The following ROBO1 variants were observed in gnomAD, a reference collection of about 807,000 sequenced individuals.
The protein encoded by ROBO1 is roundabout homolog 1.
A neutral mutation model predicts 195.9 loss-of-function variants in ROBO1; 149 were observed. The observed-to-expected ratio is 0.76, with a 90% CI of 0.67 to 0.87. ROBO1 has a LOEUF of 0.87. Ranked by LOEUF, ROBO1 falls within the 40% of genes least tolerant of loss-of-function variation. The probability of loss-of-function intolerance (pLI) is 0.00; values close to 1 mark genes in which losing one functional copy is unlikely to be tolerated. For synonymous variants in ROBO1, 816 were observed against 733.2 expected, an observed-to-expected ratio of 1.11 and a Z score of -1.82; for missense variants, 1,933 against 2,068.3, an observed-to-expected ratio of 0.93 and a Z score of 1.27.
At chr3:79,334,801 T>C (rs1285964274) in intron 2 of ROBO1, among the ~76,000 whole-genome samples, 2 of 152,018 alleles carry the variant, frequency 1.3e-5, no homozygotes, top group Non-Finnish European at 2.9e-5. Flanking sequence ...TCTGCTTTTA[T>C]AAGTTAAAGG....
At chr3:78,852,979 C>T (rs1054522591) in intron 4 of ROBO1, among the ~76,000 whole-genome samples, 4 of 152,122 alleles carry the variant, frequency 2.6e-5, no homozygotes, top group African/African-American at 9.7e-5. Context: ...GCATTAAAAA[C>T]TGTCTGGGCC....
In ROBO1 at chr3:79,745,320, A is replaced by G. The variant is rs116031722; in HGVS notation, c.-51+22432T>C. Reference sequence around the variant, plus strand: ...GTTAAAACACAAAGGAAATAATCGTATTAATGTACATGATCTCCAATTACC... The same window carrying G: ...GTTAAAACACAAAGGAAATAATCGTGTTAATGTACATGATCTCCAATTACC... On this transcript the variant is annotated intron_variant, in intron 1 of 30. Coordinates refer to ENST00000464233, the MANE Select transcript of ROBO1 (RefSeq NM_002941.4). Among the ~76,000 whole-genome samples, 1,212 of 152,350 alleles carry G rather than the reference A, an allele frequency of 8.0e-3. 16 individuals carry two copies. The highest frequency in any genetic ancestry group is 0.027 in the African/African-American group (1,123 of 41,586).
chr3:79,643,192 A>C (rs1576167447), intron 1 of ROBO1, among the ~76,000 whole-genome samples: 1 of 151,988 alleles, frequency 6.6e-6, no homozygotes, highest in East Asian at 1.9e-4. Context: ...CCAACATTGG[A>C]CTCTACGTTC....
chr3:78,895,757 C>A (rs1576361025), intron 4 of ROBO1, among the ~76,000 whole-genome samples: 1 of 152,274 alleles, frequency 6.6e-6, no homozygotes, highest in East Asian at 1.9e-4. Flanking sequence ...AACATAATTT[C>A]TTTTGGACCA....
chr3:79,368,778 C>CT, intron 2 of ROBO1, among the ~76,000 whole-genome samples: 1 of 152,158 alleles, frequency 6.6e-6, no homozygotes, highest in East Asian at 1.9e-4. Flanking sequence ...CCGCTTGCAC[C>CT]TTTTTTGCTC....
chr3:78,604,397 G>A (rs1703352147), intron 29 of ROBO1, among the ~76,000 whole-genome samples: 1 of 152,114 alleles, frequency 6.6e-6, no homozygotes, highest in South Asian at 2.1e-4. Flanking sequence ...CTTATAAGCA[G>A]GAATTGCTCC....
chr3:79,345,846 G>A (rs911398522), intron 2 of ROBO1, among the ~76,000 whole-genome samples: 4 of 152,078 alleles, frequency 2.6e-5, no homozygotes, highest in Non-Finnish European at 5.9e-5. Context: ...TTAAAACATG[G>A]TGGCTTTTTC....
At chr3:78,678,600 A>C (rs1160999332) in intron 10 of ROBO1, among the ~76,000 whole-genome samples, 1 of 152,132 alleles carries the variant, frequency 6.6e-6, no homozygotes, top group Non-Finnish European at 1.5e-5. Flanking sequence ...TCCTCGACAC[A>C]TACACTCTCC....
At chr3:79,609,808 A>T (rs1397593522) in intron 1 of ROBO1, among the ~76,000 whole-genome samples, 1 of 151,840 alleles carries the variant, frequency 6.6e-6, no homozygotes. Flanking sequence ...AAATTTGTAG[A>T]GATGGAAAGT....
chr3:78,867,856 A>G (rs756173405), intron 4 of ROBO1, among the ~76,000 whole-genome samples: 7 of 152,126 alleles, frequency 4.6e-5, no homozygotes, highest in Non-Finnish European at 8.8e-5. Context: ...CTTTTCTGCC[A>G]TCTCCGAAAA....
intron 2 of ROBO1, among the ~76,000 whole-genome samples, chr3:79,142,009 C>T (rs1378363912): frequency 2.6e-5 from 4 of 151,858 alleles, no homozygotes; most frequent in Non-Finnish European, 5.9e-5. Flanking sequence ...CCTTTATTCT[C>T]ACAAGGAATT....
chr3:78,945,898 CA>C (rs949036474), intron 3 of ROBO1, among the ~76,000 whole-genome samples: 4 of 150,962 alleles, frequency 2.6e-5, no homozygotes, highest in Non-Finnish European at 4.4e-5. Context: ...ACAATGCAAT[CA>C]ACTGGAAGAA....
At chr3:79,516,174 G>T (rs1357505251) in intron 2 of ROBO1, among the ~76,000 whole-genome samples, 2 of 152,046 alleles carry the variant, frequency 1.3e-5, no homozygotes, top group East Asian at 1.9e-4. Context: ...ATTGATGATT[G>T]AGTTGATAAT....
At chr3:78,991,118 A>C (rs2077227376) in intron 3 of ROBO1, among the ~76,000 whole-genome samples, 1 of 152,190 alleles carries the variant, frequency 6.6e-6, no homozygotes, top group Admixed American at 6.6e-5. Flanking sequence ...CAATTGATTA[A>C]GGAGGCAGAT....
chr3:79,688,441 A>G (rs1947199612), intron 1 of ROBO1, among the ~76,000 whole-genome samples: 1 of 152,098 alleles, frequency 6.6e-6, no homozygotes, highest in Non-Finnish European at 1.5e-5. Context: ...AGTTTTTGCA[A>G]GACTTTGATT....
intron 2 of ROBO1, among the ~76,000 whole-genome samples, chr3:79,142,979 T>G (rs1051095386): frequency 6.6e-6 from 1 of 152,134 alleles, no homozygotes; most frequent in Non-Finnish European, 1.5e-5. Flanking sequence ...CATTTGGCAT[T>G]TGAAAATGCC....
chr3:78,681,330 T>C (rs1446520895), intron 10 of ROBO1, among the ~76,000 whole-genome samples: 6 of 151,724 alleles, frequency 4.0e-5, no homozygotes, highest in Non-Finnish European at 8.8e-5. Context: ...ACTTAAAGTA[T>C]AATAATAAAA....
intron 2 of ROBO1, among the ~76,000 whole-genome samples, chr3:79,498,661 C>G (rs1051125373): frequency 3.3e-5 from 5 of 152,046 alleles, no homozygotes; most frequent in African/African-American, 4.8e-5. Flanking sequence ...CAAGACCAGC[C>G]TGCTCAACGT....
intron 2 of ROBO1, among the ~76,000 whole-genome samples, chr3:79,268,560 G>A (rs1049967189): frequency 6.6e-6 from 1 of 151,326 alleles, no homozygotes; most frequent in Non-Finnish European, 1.5e-5. Flanking sequence ...TCAAATTTAC[G>A]GTTTTATCTC....
Sources: gnomAD v4.1 joint callset for allele counts (sites outside exome capture counted in the v4.1 genomes callset) on GRCh38, gnomAD v4.1.1 for gene constraint, MANE v1.5 for transcripts, NCBI Gene and HGNC (gene_info 2026-07-23, HGNC 2026-07-21) for gene names.